Variants in FHIT observed in about 807,000 individuals in gnomAD.
FHIT encodes bis(5'-adenosyl)-triphosphatase.
FHIT carries 19 observed loss-of-function variants against 17.9 expected under a neutral mutation model. The observed-to-expected ratio is 1.06, with a 90% CI of 0.74 to 1.56. The LOEUF (loss-of-function observed/expected upper bound fraction) is 1.56, where lower values mean the gene tolerates loss of function less well. FHIT is among the 40% of genes most tolerant of loss of function. The probability of loss-of-function intolerance (pLI) is 0.00; values close to 1 mark genes in which losing one functional copy is unlikely to be tolerated. For synonymous variants in FHIT, 81 were observed against 69.7 expected (o/e 1.16, Z -0.81); for missense variants, 248 against 189.2 (o/e 1.31, Z -1.82).
At chr3:60,142,562 G>A (rs59080773) in intron 5 of FHIT, among the ~76,000 whole-genome samples, 5,781 of 152,168 alleles carry the variant, frequency 0.038, 385 homozygotes, top group African/African-American at 0.13. Context: ...GCAGCAGCAC[G>A]ATCATGGCTC....
In FHIT at chr3:60,223,034, A is replaced by G. The variant is rs1323102041; in HGVS notation, c.104-208882T>C. On this transcript the variant is annotated intron_variant, in intron 5 of 9. Coordinates refer to ENST00000492590, the MANE Select transcript of FHIT (RefSeq NM_002012.4). Reference sequence around the variant, plus strand: ...AATTACTCCTTGACTATTAAAACACATACCCATACGTATGCATTTACACGT... The same window carrying G: ...AATTACTCCTTGACTATTAAAACACGTACCCATACGTATGCATTTACACGT... 3.9e-5 allele frequency among the ~76,000 whole-genome samples: 6 copies of G among 152,202 alleles called. No individual in the cohort carries two copies. In the East Asian group the frequency reaches 1.2e-3, roughly 29 times the overall value.
chr3:59,927,248 G>C (rs1241249125), intron 7 of FHIT, among the ~76,000 whole-genome samples: 3 of 152,138 alleles, frequency 2.0e-5, no homozygotes, highest in African/African-American at 7.2e-5. Flanking sequence ...GCCAAATGAG[G>C]CTGATTCATA....
In FHIT at chr3:60,976,096, C is replaced by CTTTTTTTTTTTTTTTTTTTTTTTTTTT. The variant is rs869239307; in HGVS notation, c.-111+65924_-111+65950dup. Among the ~76,000 whole-genome samples, 27 of 66,756 alleles carry CTTTTTTTTTTTTTTTTTTTTTTTTTTT rather than the reference C, an allele frequency of 4.0e-4. 5 individuals are homozygous for CTTTTTTTTTTTTTTTTTTTTTTTTTTT. The highest frequency in any genetic ancestry group is 8.6e-4 in the East Asian group (2 of 2,330). 43.8% of individuals were successfully genotyped at this position (66,756 alleles called of 152,430 possible). A position where few individuals can be genotyped will look rare whatever the true frequency, so the allele number is the denominator to read the frequency against. On this transcript the variant is annotated intron_variant, in intron 3 of 9. Transcript: ENST00000492590. ...CTTTGTATCTTTCGTTTTTCTTTTT[C>CTTTTTTTTTTTTTTTTTTTTTTTTTTT]TTTTTTTTTTTTTTTTTTTTTTTTT...
chr3:59,935,205 C>T (rs1258132780), intron 7 of FHIT, among the ~76,000 whole-genome samples: 5 of 152,098 alleles, frequency 3.3e-5, no homozygotes, highest in Admixed American at 1.3e-4. Context: ...CATCTGAAAA[C>T]GTATGAAAGT....
chr3:60,912,642 T>C (rs1575679573), intron 3 of FHIT: 1 of 382,672 alleles, frequency 2.6e-6, no homozygotes, highest in East Asian at 8.2e-5. Context: ...AAGAAAAAGT[T>C]AATCATCAGA....
intron 2 of FHIT, among the ~76,000 whole-genome samples, chr3:61,080,369 C>T (rs1376165699): frequency 6.6e-6 from 1 of 152,012 alleles, no homozygotes; most frequent in Admixed American, 6.6e-5. Context: ...CCCCTTTGCC[C>T]TCAGAATTAT....
chr3:60,681,691 G>A (rs574867883), intron 4 of FHIT, among the ~76,000 whole-genome samples: 46 of 152,330 alleles, frequency 3.0e-4, no homozygotes, highest in Middle Eastern at 3.4e-3. Flanking sequence ...GAAAGTTTGA[G>A]TGGTCTGGAT....
intron 5 of FHIT, among the ~76,000 whole-genome samples, chr3:60,372,939 G>A (rs1331713225): frequency 6.6e-6 from 1 of 152,110 alleles, no homozygotes; most frequent in African/African-American, 2.4e-5. Flanking sequence ...TTAATCCACT[G>A]GTGGTGTGTT....
rs1272071392 is a variant in FHIT at position 59,888,982 on chromosome 3, T to C, written c.348+33364A>G. On this transcript the variant is annotated intron_variant, in intron 8 of 9. Transcript: ENST00000492590. ...GCTGAGCTAGTGTTTACAAGAAACCTACTCCCATGATAACAACATCAATTC... is the reference window on the plus strand; with the variant it reads ...GCTGAGCTAGTGTTTACAAGAAACCCACTCCCATGATAACAACATCAATTC... Among the ~76,000 whole-genome samples, 3 of 152,184 alleles carry C rather than the reference T, an allele frequency of 2.0e-5. No homozygotes were observed. The East Asian group carries it at 5.8e-4, about 29-fold the overall frequency.
chr3:60,338,341 CTAAT>C (rs566031633), intron 5 of FHIT, among the ~76,000 whole-genome samples: 29 of 152,166 alleles, frequency 1.9e-4, no homozygotes, highest in Admixed American at 4.6e-4. Context: ...TGTAAATCAT[CTAAT>C]TATTTAGAGA....
chr3:60,221,296 C>T (rs1025843467), intron 5 of FHIT, among the ~76,000 whole-genome samples: 1 of 152,008 alleles, frequency 6.6e-6, no homozygotes, highest in Non-Finnish European at 1.5e-5. Flanking sequence ...TTTAGACAAG[C>T]AGAACAACTC....
At chr3:61,003,203 T>C (rs1575822438) in intron 3 of FHIT, among the ~76,000 whole-genome samples, 1 of 152,320 alleles carries the variant, frequency 6.6e-6, no homozygotes, top group Admixed American at 6.5e-5. Flanking sequence ...TGTCTCTCCA[T>C]TGAGACCCAT....
intron 4 of FHIT, among the ~76,000 whole-genome samples, chr3:60,786,492 A>C (rs1179547681): frequency 6.6e-6 from 1 of 152,190 alleles, no homozygotes. Context: ...ACCTGTCCTC[A>C]AATAAGTTAT....
At chr3:60,137,952 C>T (rs1699883455) in intron 5 of FHIT, among the ~76,000 whole-genome samples, 1 of 152,192 alleles carries the variant, frequency 6.6e-6, no homozygotes, top group African/African-American at 2.4e-5. Flanking sequence ...TAGTCATTAT[C>T]TTGACCAGCT....
At chr3:60,001,486 C>A (rs1362029073) in intron 7 of FHIT, among the ~76,000 whole-genome samples, 2 of 152,152 alleles carry the variant, frequency 1.3e-5, no homozygotes, top group East Asian at 1.9e-4. Flanking sequence ...CATGAGTAGG[C>A]AGGATACTCA....
At chr3:60,775,177 T>C (rs1219706489) in intron 4 of FHIT, among the ~76,000 whole-genome samples, 2 of 152,146 alleles carry the variant, frequency 1.3e-5, no homozygotes, top group Non-Finnish European at 2.9e-5. Flanking sequence ...ATAAGGAATG[T>C]TTAAATGCCC....
intron 2 of FHIT, among the ~76,000 whole-genome samples, chr3:61,108,172 ATC>A (rs1255483294): frequency 6.6e-6 from 1 of 152,086 alleles, no homozygotes; most frequent in Non-Finnish European, 1.5e-5. Flanking sequence ...CTTTTGAGAA[ATC>A]TCTTATTATT....
intron 5 of FHIT, among the ~76,000 whole-genome samples, chr3:60,113,863 G>T (rs1402704630): frequency 6.7e-6 from 1 of 148,732 alleles, no homozygotes; most frequent in Admixed American, 6.7e-5. Context: ...TTAGCTGGGC[G>T]TGGTGGCGGG....
At chr3:60,280,182 T>C (rs946193891) in intron 5 of FHIT, among the ~76,000 whole-genome samples, 1 of 151,790 alleles carries the variant, frequency 6.6e-6, no homozygotes, top group African/African-American at 2.4e-5. Flanking sequence ...CATTTATGAG[T>C]AGAAACTCTC....
Sources: gnomAD v4.1 joint callset for allele counts (sites outside exome capture counted in the v4.1 genomes callset) on GRCh38, gnomAD v4.1.1 for gene constraint, MANE v1.5 for transcripts, NCBI Gene and HGNC (gene_info 2026-07-23, HGNC 2026-07-21) for gene names.